The following KLHL1 variants were observed in gnomAD, a reference collection of about 807,000 sequenced individuals.
KLHL1 encodes the protein kelch-like protein 1.
KLHL1 carries 47 observed loss-of-function variants against 77.7 expected under a neutral mutation model. The ratio of observed to expected loss-of-function variants is 0.60; its 90% CI spans 0.48 to 0.77. The LOEUF (loss-of-function observed/expected upper bound fraction) is 0.77, where lower values mean the gene tolerates loss of function less well. KLHL1 is among the 30% of genes least tolerant of loss of function. The pLI is 0.00. For synonymous variants in KLHL1, 360 were observed against 325.2 expected, an observed-to-expected ratio of 1.11 and a Z score of -1.15; for missense variants, 925 against 910.8, an observed-to-expected ratio of 1.02 and a Z score of -0.20.
chr13:69,818,455 G>C (rs776060968), intron 6 of KLHL1, among the ~76,000 whole-genome samples: 2 of 151,784 alleles, frequency 1.3e-5, no homozygotes, highest in Non-Finnish European at 2.9e-5. Flanking sequence ...TCTTGACCTC[G>C]TGATCCACCC....
At chr13:69,996,571 T>A (rs1885157853) in intron 1 of KLHL1, among the ~76,000 whole-genome samples, 1 of 152,122 alleles carries the variant, frequency 6.6e-6, no homozygotes, top group Admixed American at 6.6e-5. Flanking sequence ...AGCAACATTA[T>A]TAGGGGAATC....
chr13:69,871,057 A>T (rs1383846640), intron 5 of KLHL1, among the ~76,000 whole-genome samples: 2 of 151,566 alleles, frequency 1.3e-5, no homozygotes, highest in African/African-American at 4.9e-5. Flanking sequence ...CTCTGCCTAG[A>T]CTCCCAGGCT....
At chr13:70,094,765 A>T (rs1887748587) in intron 1 of KLHL1, among the ~76,000 whole-genome samples, 1 of 152,084 alleles carries the variant, frequency 6.6e-6, no homozygotes, top group Non-Finnish European at 1.5e-5. Context: ...GATACCCATC[A>T]CATCTTCCAC....
At chr13:69,853,796 G>C (rs917463091) in intron 5 of KLHL1, among the ~76,000 whole-genome samples, 1 of 151,784 alleles carries the variant, frequency 6.6e-6, no homozygotes, top group Non-Finnish European at 1.5e-5. Context: ...TTTTTGTTTT[G>C]TTTCATTTTT....
intron 4 of KLHL1, among the ~76,000 whole-genome samples, chr13:69,915,953 C>CA (rs1882416706): frequency 6.6e-6 from 1 of 151,268 alleles, no homozygotes; most frequent in African/African-American, 2.4e-5. Context: ...AGACACTTCT[C>CA]GAAGACATTT....
chr13:70,084,650 A>ATTTTTTTTT (rs1887486259), intron 1 of KLHL1, among the ~76,000 whole-genome samples: 17 of 14,398 alleles, frequency 1.2e-3, no homozygotes, highest in South Asian at 2.2e-3. Flanking sequence ...TTTTTTTTTG[A>ATTTTTTTTT]ATTTTTAGTA....
intron 4 of KLHL1, among the ~76,000 whole-genome samples, chr13:69,935,769 T>C (rs1211600722): frequency 1.3e-5 from 2 of 152,238 alleles, no homozygotes; most frequent in East Asian, 1.9e-4. Flanking sequence ...GAAAATGTGA[T>C]TTTAAAAATG....
intron 10 of KLHL1, among the ~76,000 whole-genome samples, chr13:69,707,189 A>C (rs1875665316): frequency 6.6e-6 from 1 of 151,970 alleles, no homozygotes; most frequent in Non-Finnish European, 1.5e-5. Context: ...CCAGGTGAAA[A>C]ATTCTCTCTG....
chr13:70,000,867 A>T (rs1177482637), intron 1 of KLHL1, among the ~76,000 whole-genome samples: 1 of 151,480 alleles, frequency 6.6e-6, no homozygotes, highest in Non-Finnish European at 1.5e-5. Context: ...TCAAATAAAA[A>T]GAATGAGGAT....
At chr13:70,043,256 A>C (rs2137382042) in intron 1 of KLHL1, among the ~76,000 whole-genome samples, 1 of 152,268 alleles carries the variant, frequency 6.6e-6, no homozygotes, top group East Asian at 1.9e-4. Context: ...AAATAAAAAT[A>C]AAAATGAGAA....
intron 7 of KLHL1, among the ~76,000 whole-genome samples, chr13:69,774,918 G>T (rs1288574639): frequency 1.3e-5 from 2 of 152,116 alleles, no homozygotes; most frequent in Non-Finnish European, 2.9e-5. Flanking sequence ...GGAATGAAAA[G>T]TTGCTAGGAT....
At chr13:70,066,362 G>A (rs1441576) in intron 1 of KLHL1, among the ~76,000 whole-genome samples, 3,636 of 152,172 alleles carry the variant, frequency 0.024, 131 homozygotes, top group African/African-American at 0.08. Flanking sequence ...CCTACTATAC[G>A]CTGAGAGCTA....
chr13:69,713,533 T>C (rs547687652), intron 9 of KLHL1, among the ~76,000 whole-genome samples: 1 of 152,164 alleles, frequency 6.6e-6, no homozygotes, highest in Non-Finnish European at 1.5e-5. Context: ...ATTCATTTAA[T>C]TGTCATTGTA....
intron 3 of KLHL1, among the ~76,000 whole-genome samples, chr13:69,950,363 A>ACATT (rs67763269): frequency 0.4 from 59,874 of 151,012 alleles, 12,460 homozygotes; most frequent in Non-Finnish European, 0.47. Context: ...AGTAAAAGCA[A>ACATT]CATTCCCTTG....
rs189791618 is a variant in KLHL1, at chr13:69,834,051, A to G, written c.1414+4925T>C. Among the ~76,000 whole-genome samples the G allele has an allele frequency of 3.1e-4, 47 of 152,064 alleles. No homozygotes were observed. In the East Asian group the frequency reaches 3.9e-3, roughly 13 times the overall value. ...CTAAGCTATGAGGACACAAAGTCAT[A>G]AGAACAATACAATGGACTTTGGGGA... On this transcript the variant is annotated intron_variant, in intron 6 of 10. Transcript: ENST00000377844.
chr13:69,857,341 G>C, intron 5 of KLHL1, among the ~76,000 whole-genome samples: 1 of 151,842 alleles, frequency 6.6e-6, no homozygotes, highest in Non-Finnish European at 1.5e-5. Context: ...CTCCCTTTGT[G>C]CCTCCTATTA....
intron 2 of KLHL1, among the ~76,000 whole-genome samples, chr13:69,968,175 C>A (rs1272179945): frequency 6.6e-6 from 1 of 151,898 alleles, no homozygotes; most frequent in African/African-American, 2.4e-5. Flanking sequence ...TAAGACCCAT[C>A]ACTAGCAAAA....
intron 3 of KLHL1, among the ~76,000 whole-genome samples, chr13:69,952,050 CTTAAG>C (rs1471963985): frequency 6.6e-6 from 1 of 151,396 alleles, no homozygotes; most frequent in Non-Finnish European, 1.5e-5. Context: ...ATGTGGAAAA[CTTAAG>C]TTAAATAAAT....
intron 6 of KLHL1, among the ~76,000 whole-genome samples, chr13:69,814,499 C>G (rs565032308): frequency 3.9e-5 from 6 of 151,922 alleles, no homozygotes; most frequent in Non-Finnish European, 8.8e-5. Context: ...CAAACTATGC[C>G]TCTGACAAAA....
Sources: gnomAD v4.1 joint callset for allele counts (sites outside exome capture counted in the v4.1 genomes callset) on GRCh38, gnomAD v4.1.1 for gene constraint, MANE v1.5 for transcripts, NCBI Gene and HGNC (gene_info 2026-07-23, HGNC 2026-07-21) for gene names.